The following IPO9 variants were observed in gnomAD, a reference collection of about 807,000 sequenced individuals.
The protein encoded by IPO9 is importin-9.
In IPO9, 28 loss-of-function variants were observed where a neutral mutation model predicts 128.6. The ratio of observed to expected loss-of-function variants is 0.22; its 90% confidence interval spans 0.16 to 0.30. IPO9 has a LOEUF of 0.30. Ranked by LOEUF, IPO9 falls within the 10% of genes least tolerant of loss-of-function variation. The pLI, the probability that IPO9 is intolerant of heterozygous loss-of-function variation, is 1.00. For synonymous variants in IPO9, 455 were observed against 475.8 expected, an observed-to-expected ratio of 0.96 and a Z score of 0.57; for missense variants, 935 against 1,293.9, an observed-to-expected ratio of 0.72 and a Z score of 4.26.
chr1:201,872,788 T>C, intron 19 of IPO9, 40 bp from the exon 20 acceptor site: 1 of 1,584,788 alleles, frequency 6.3e-7, no homozygotes, highest in African/African-American at 1.3e-5. Context: ...GAACTCGAGA[T>C]GGGCGGCTGA....
At chr1:201,863,398 T>G (rs1422937152) in intron 13 of IPO9, 50 bp from the exon 14 acceptor site, 2 of 1,497,696 alleles carry the variant, frequency 1.3e-6, no homozygotes, top group South Asian at 1.3e-5. Flanking sequence ...AAAGAACAAG[T>G]AAAAGGAATT....
chr1:201,836,283 C>G (rs975712185), intron 1 of IPO9, among the ~76,000 whole-genome samples: 1 of 152,010 alleles, frequency 6.6e-6, no homozygotes, highest in African/African-American at 2.4e-5. Flanking sequence ...TACTACGTAA[C>G]AGAAACCAAT....
chr1:201,840,329 C>G (rs1302737059), intron 1 of IPO9, among the ~76,000 whole-genome samples: 1 of 152,174 alleles, frequency 6.6e-6, no homozygotes, highest in Non-Finnish European at 1.5e-5. Flanking sequence ...CCTTAGCCTC[C>G]CAAAGTGCTG....
At chr1:201,867,914 C>T (rs1445179283) in intron 15 of IPO9, among the ~76,000 whole-genome samples, 1 of 152,138 alleles carries the variant, frequency 6.6e-6, no homozygotes, top group Non-Finnish European at 1.5e-5. Flanking sequence ...ATATCTCATT[C>T]TTTTCAGCCA....
At chr1:201,856,236 G>A (rs568061015) in intron 10 of IPO9, among the ~76,000 whole-genome samples, 1 of 150,262 alleles carries the variant, frequency 6.7e-6, no homozygotes, top group East Asian at 2.0e-4. Flanking sequence ...CTCTCAAAGT[G>A]CTGGGATTAC....
chr1:201,854,783 T>C, intron 7 of IPO9, 40 bp from the exon 8 acceptor site: 1 of 1,605,394 alleles, frequency 6.2e-7, no homozygotes, highest in South Asian at 1.1e-5. Flanking sequence ...ATTTCTTATA[T>C]ATCACTCATA....
chr1:201,834,989 C>G (rs1216949707), intron 1 of IPO9: 1 of 152,256 alleles, frequency 6.6e-6, no homozygotes, highest in East Asian at 1.9e-4. Context: ...GAAGGGCGCC[C>G]CTCAAGGATC....
At chr1:201,836,563 GT>G (rs1352949004) in intron 1 of IPO9, among the ~76,000 whole-genome samples, 1 of 152,038 alleles carries the variant, frequency 6.6e-6, no homozygotes, top group African/African-American at 2.4e-5. Flanking sequence ...TTTTGCATCG[GT>G]TTTATAGCAC....
chr1:201,856,681 G>C (rs1219802664), intron 10 of IPO9, among the ~76,000 whole-genome samples: 1 of 151,374 alleles, frequency 6.6e-6, no homozygotes, highest in Admixed American at 6.6e-5. Context: ...TGTTGTTGTT[G>C]TTGTTTTGTT....
chr1:201,851,687 T>C (rs1680221265), intron 4 of IPO9, among the ~76,000 whole-genome samples: 1 of 152,116 alleles, frequency 6.6e-6, no homozygotes, highest in African/African-American at 2.4e-5. Flanking sequence ...ATTACATGCA[T>C]CAAACCAGCT....
chr1:201,840,808 T>C (rs1201260081), intron 1 of IPO9, among the ~76,000 whole-genome samples: 1 of 152,146 alleles, frequency 6.6e-6, no homozygotes, highest in African/African-American at 2.4e-5. Flanking sequence ...CTCTTTTTCA[T>C]GTAAACAAGA....
intron 6 of IPO9, 86 bp from the exon 7 acceptor site, chr1:201,854,509 C>G: frequency 6.6e-7 from 1 of 1,515,950 alleles, no homozygotes; most frequent in South Asian, 1.2e-5. Flanking sequence ...GCTTTAGGTG[C>G]CTTTCAAATA....
rs1553293525 is a variant in IPO9 at position 201,883,171 on chromosome 1, T to TAC, written c.*7117_*7118insAC. 1.5e-5 allele frequency: 2 copies of TAC among 134,410 alleles called. No individual in the cohort carries two copies. Among genetic ancestry groups the TAC allele is most frequent in the Admixed American group, 7.5e-5 (1 of 13,366 alleles). The allele number at this position is 134,410 out of a possible 1,614,324, so 8.3% of individuals were successfully genotyped here. ...GTGTATTAATTTGCTTTCACTAGAT[T>TAC]CCCCCCCCCCCAACAACTTAGTCCA... is the stretch of plus-strand genomic sequence containing the variant. On this transcript the variant is annotated 3_prime_UTR_variant, in exon 24 of 24. Transcript: ENST00000361565.
chr1:201,876,950 C>G lies in IPO9; in HGVS notation c.*896C>G, dbSNP rs185503347. Reference sequence around the variant, plus strand: ...TATTTTTCTAGGACAGTAAAGTAATCTTTACAAATGAATTTAGTTGCATGG... The same window carrying G: ...TATTTTTCTAGGACAGTAAAGTAATGTTTACAAATGAATTTAGTTGCATGG... On this transcript the variant is annotated 3_prime_UTR_variant, in exon 24 of 24. Transcript: ENST00000361565. 3.9e-5 allele frequency: 6 copies of G among 152,700 alleles called. No homozygotes were observed. Among genetic ancestry groups the G allele is most frequent in the Admixed American group, 3.3e-4 (5 of 15,294 alleles). 9.5% of individuals were successfully genotyped at this position (152,700 alleles called of 1,614,324 possible).
At position 201,870,466 on chromosome 1, in the gene IPO9, T is replaced by G. The variant is rs1431183825; in HGVS notation, c.2134-117T>G. 6.9e-6 allele frequency: 8 copies of G among 1,156,348 alleles called. No homozygotes were observed. Among genetic ancestry groups the G allele is most frequent in the Non-Finnish European group, 9.6e-6 (8 of 834,228 alleles). The allele number at this position is 1,156,348 out of a possible 1,614,324, so 71.6% of individuals were successfully genotyped here. A position where few individuals can be genotyped will look rare whatever the true frequency, so the allele number is the denominator to read the frequency against. ...TGGTATGAGCCCACCACAAACATTA[T>G]AGACTCACCGCTTTTATGAGGCATA... On this transcript the variant is annotated intron_variant, in intron 17 of 23. Coordinates refer to ENST00000361565, the MANE Select transcript of IPO9 (RefSeq NM_018085.5). The surrounding 1 kb of genome is among the most constrained non-coding windows in gnomAD (Gnocchi z 4.9).
intron 1 of IPO9, among the ~76,000 whole-genome samples, chr1:201,829,808 C>T (rs1455981482): frequency 1.3e-5 from 2 of 152,012 alleles, no homozygotes; most frequent in Non-Finnish European, 2.9e-5. Flanking sequence ...AGGGTAGGGC[C>T]TCGAAAAGGC....
chr1:201,864,997 T>C (rs1012162883), intron 14 of IPO9, among the ~76,000 whole-genome samples: 3 of 152,186 alleles, frequency 2.0e-5, no homozygotes, highest in Non-Finnish European at 4.4e-5. Flanking sequence ...GACACTCATA[T>C]ATGTTTACAA....
At chr1:201,868,611 C>A in intron 15 of IPO9, 37 bp from the exon 16 acceptor site, 1 of 1,588,690 alleles carries the variant, frequency 6.3e-7, no homozygotes, top group South Asian at 1.1e-5. Flanking sequence ...TGCAGACCAT[C>A]AGGCAGGGGG....
chr1:201,841,429 T>C (rs1680033866), intron 1 of IPO9, among the ~76,000 whole-genome samples: 1 of 152,198 alleles, frequency 6.6e-6, no homozygotes, highest in South Asian at 2.1e-4. Context: ...AGAATGAACC[T>C]CGAGGTTTGG....
Sources: allele counts gnomAD v4.1 joint callset (sites outside exome capture counted in the v4.1 genomes callset), GRCh38; gene constraint gnomAD v4.1.1; non-coding constraint Gnocchi (gnomAD v3.1); transcripts MANE v1.5; gene names NCBI Gene and HGNC (gene_info 2026-07-23, HGNC 2026-07-21).